Variants in EYA4 observed in about 807,000 individuals in gnomAD.
EYA4 encodes the protein EYA transcriptional coactivator and phosphatase 4.
In EYA4, 31 loss-of-function variants were observed where a neutral mutation model predicts 87.9. The observed-to-expected ratio is 0.35, with a 90% CI of 0.27 to 0.48. EYA4 has a LOEUF of 0.48. EYA4 is among the 20% of genes least tolerant of loss of function. The pLI, the probability that EYA4 is intolerant of heterozygous loss-of-function variation, is 0.99. For missense variants in EYA4, 678 were observed against 761.4 expected (o/e 0.89, Z 1.29); for synonymous variants, 263 against 270.6 (o/e 0.97, Z 0.28).
At chr6:133,298,649 A>G (rs914411381) in intron 2 of EYA4, among the ~76,000 whole-genome samples, 1 of 152,188 alleles carries the variant, frequency 6.6e-6, no homozygotes, top group Non-Finnish European at 1.5e-5. Context: ...CGCATCTCCA[A>G]AATCAGAATA....
chr6:133,318,633 TA>T (rs1780808319), intron 2 of EYA4, among the ~76,000 whole-genome samples: 1 of 49,322 alleles, frequency 2.0e-5, no homozygotes, highest in Non-Finnish European at 6.5e-5. Flanking sequence ...TTTTTTTTTT[TA>T]ATCATCCAGA....
intron 2 of EYA4, among the ~76,000 whole-genome samples, chr6:133,336,170 T>C (rs1782351010): frequency 2.6e-5 from 4 of 152,178 alleles, no homozygotes; most frequent in African/African-American, 7.2e-5. Flanking sequence ...TAACAGATGC[T>C]AAAATTGTTA....
chr6:133,461,734 A>G (rs1794400503), intron 7 of EYA4, among the ~76,000 whole-genome samples: 2 of 151,272 alleles, frequency 1.3e-5, no homozygotes, highest in Non-Finnish European at 2.9e-5. Flanking sequence ...CTGCCTTTAC[A>G]TATATATAGA....
intron 2 of EYA4, among the ~76,000 whole-genome samples, chr6:133,362,997 A>T (rs1784568468): frequency 1.3e-5 from 2 of 152,196 alleles, no homozygotes; most frequent in Non-Finnish European, 2.9e-5. Flanking sequence ...GCTCTGTGAG[A>T]TACACATTAA....
intron 2 of EYA4, among the ~76,000 whole-genome samples, chr6:133,286,228 G>A (rs553149452): frequency 8.3e-4 from 127 of 152,252 alleles, no homozygotes; most frequent in African/African-American, 2.7e-3. Context: ...TGCATGGGGG[G>A]CACATTCTGA....
At chr6:133,365,482 T>A (rs1784789218) in intron 2 of EYA4, among the ~76,000 whole-genome samples, 1 of 152,096 alleles carries the variant, frequency 6.6e-6, no homozygotes, top group Non-Finnish European at 1.5e-5. Context: ...TTATTTTTAT[T>A]ACTTACATTT....
At chr6:133,511,519 T>C (rs1295347850) in intron 14 of EYA4, among the ~76,000 whole-genome samples, 1 of 151,812 alleles carries the variant, frequency 6.6e-6, no homozygotes, top group East Asian at 1.9e-4. Context: ...AACTAGGCAT[T>C]TTAAATGCCC....
intron 3 of EYA4, among the ~76,000 whole-genome samples, chr6:133,393,905 A>G (rs149078286): frequency 2.4e-3 from 359 of 152,308 alleles, no homozygotes; most frequent in Non-Finnish European, 3.8e-3. Flanking sequence ...TTTCTAAAGT[A>G]GTGTTCTTAA....
chr6:133,402,251 T>A (rs1788332764), intron 3 of EYA4, among the ~76,000 whole-genome samples: 1 of 152,092 alleles, frequency 6.6e-6, no homozygotes, highest in South Asian at 2.1e-4. Flanking sequence ...GATTGCATCA[T>A]GACACAGAAG....
At chr6:133,247,780 A>G (rs1274008881) in intron 1 of EYA4, 2 of 151,902 alleles carry the variant, frequency 1.3e-5, no homozygotes, top group Non-Finnish European at 2.9e-5. Context: ...TAGCCTGAGA[A>G]TGACTCACCA....
intron 2 of EYA4, among the ~76,000 whole-genome samples, chr6:133,321,759 TTTTCACATTAGATGA>T (rs1430542008): frequency 3.9e-5 from 6 of 152,214 alleles, no homozygotes; most frequent in Admixed American, 2.6e-4. Context: ...CCACAGCATC[TTTTCACATTAGATGA>T]AATTGAGTAT....
intron 19 of EYA4, chr6:133,525,934 T>A: frequency 2.0e-6 from 2 of 985,354 alleles, no homozygotes; most frequent in Non-Finnish European, 2.4e-6. Context: ...GAGTTTCATC[T>A]GTTTTGGTGA....
In EYA4 at chr6:133,367,434, T is replaced by A. The variant is rs189933984; in HGVS notation, c.34-14958T>A. Among the ~76,000 whole-genome samples, 4 of 152,378 alleles carry A rather than the reference T, an allele frequency of 2.6e-5. No homozygotes were observed. In the East Asian group the frequency reaches 7.7e-4, roughly 29 times the overall value. On this transcript the variant is annotated intron_variant, in intron 2 of 19. Transcript: ENST00000355286. ...ATACGTATATATGTGGCAAGACTTC[T>A]ACCAAACTTAACAGGTGTCATTACT... is the stretch of plus-strand genomic sequence containing the variant.
At chr6:133,300,064 G>A (rs1017116038) in intron 2 of EYA4, among the ~76,000 whole-genome samples, 5 of 151,798 alleles carry the variant, frequency 3.3e-5, no homozygotes, top group African/African-American at 1.2e-4. Context: ...ATTTTTTGGT[G>A]TTACGTATAT....
At chr6:133,390,068 CAG>C (rs1787123973) in intron 3 of EYA4, among the ~76,000 whole-genome samples, 1 of 152,110 alleles carries the variant, frequency 6.6e-6, no homozygotes, top group Non-Finnish European at 1.5e-5. Context: ...ATTCAGTAGA[CAG>C]AGTATATACA....
chr6:133,509,586 C>T (rs914054097), intron 14 of EYA4, among the ~76,000 whole-genome samples: 1 of 152,120 alleles, frequency 6.6e-6, no homozygotes, highest in Non-Finnish European at 1.5e-5. Context: ...CTACCCTCCC[C>T]CAACAGAAGA....
At chr6:133,506,418 G>T in intron 14 of EYA4, 1 of 459,460 alleles carries the variant, frequency 2.2e-6, no homozygotes, top group Non-Finnish European at 4.0e-6. Flanking sequence ...CTGAAGAGGA[G>T]ATTGTTGGCT....
At chr6:133,421,357 C>T (rs1790205326) in intron 3 of EYA4, among the ~76,000 whole-genome samples, 1 of 152,218 alleles carries the variant, frequency 6.6e-6, no homozygotes, top group Non-Finnish European at 1.5e-5. Flanking sequence ...AGCACATTAA[C>T]TCAAACATGC....
At chr6:133,430,442 T>G (rs932912257) in intron 3 of EYA4, among the ~76,000 whole-genome samples, 3 of 152,200 alleles carry the variant, frequency 2.0e-5, no homozygotes, top group Non-Finnish European at 4.4e-5. Flanking sequence ...GAACTGTGTT[T>G]TTTACAAATG....
Sources: allele counts gnomAD v4.1 joint callset (sites outside exome capture counted in the v4.1 genomes callset), GRCh38; gene constraint gnomAD v4.1.1; transcripts MANE v1.5; gene names NCBI Gene and HGNC (gene_info 2026-07-23, HGNC 2026-07-21).